FUT8: variants seen among roughly 807,000 people sequenced by gnomAD.
FUT8 encodes the protein alpha-(1,6)-fucosyltransferase.
Under a neutral mutation model 71.3 loss-of-function variants are expected in FUT8, and 29 were observed. The ratio of observed to expected loss-of-function variants is 0.41; its 90% confidence interval spans 0.30 to 0.55. The LOEUF is 0.55. Ranked by LOEUF, FUT8 falls within the 20% of genes least tolerant of loss-of-function variation. The pLI is 0.34. For missense variants in FUT8, 544 were observed against 702.1 expected, an observed-to-expected ratio of 0.77 and a Z score of 2.55; for synonymous variants, 254 against 239.3, an observed-to-expected ratio of 1.06 and a Z score of -0.57.
Position 65,561,446 on chromosome 14 carries a change from G to T in FUT8, c.-118G>T. 1.2e-6 allele frequency: 1 copy of T among 867,506 alleles called. No individual in the cohort carries two copies. The highest frequency in any genetic ancestry group is 1.9e-6 in the Non-Finnish European group (1 of 538,106). The allele number at this position is 867,506 out of a possible 1,614,324, so 53.7% of individuals were successfully genotyped here. A position where few individuals can be genotyped will look rare whatever the true frequency, so the allele number is the denominator to read the frequency against. On this transcript the variant is annotated 5_prime_UTR_variant, in exon 3 of 11. Coordinates refer to ENST00000673929, the MANE Select transcript of FUT8 (RefSeq NM_001371533.1). ...TACCAGAGAGAATAATTTGTCTGAA[G>T]CATCATGTGTTGAAACAACAGAAGT... is the stretch of plus-strand genomic sequence containing the variant.
chr14:65,624,361 G>A (rs150797077), intron 5 of FUT8, among the ~76,000 whole-genome samples: 2 of 151,610 alleles, frequency 1.3e-5, no homozygotes, highest in Admixed American at 6.6e-5. Context: ...ACAGATGAAT[G>A]TGAATAATTA....
chr14:65,506,649 C>T (rs528519616), intron 2 of FUT8, among the ~76,000 whole-genome samples: 10 of 152,014 alleles, frequency 6.6e-5, no homozygotes, highest in South Asian at 6.2e-4. Context: ...TTTTAATTTT[C>T]GCGGGTACAT....
At chr14:65,493,275 G>T (rs1470603061) in intron 2 of FUT8, among the ~76,000 whole-genome samples, 1 of 152,092 alleles carries the variant, frequency 6.6e-6, no homozygotes, top group East Asian at 1.9e-4. Flanking sequence ...GCTTTTTATA[G>T]TGAGGAATCT....
In FUT8 at chr14:65,414,009, A is replaced by G. The variant is rs1169594431; in HGVS notation, c.-326+795A>G. On this transcript the variant is annotated intron_variant, in intron 1 of 10. Coordinates refer to ENST00000673929, the MANE Select transcript of FUT8 (RefSeq NM_001371533.1). ...AGCTTTTATTTTAGCATTTTGCCAT[A>G]TAATATATAGATTGAGGCCTTGGTT... Among the ~76,000 whole-genome samples, 10 of 152,284 alleles carry G rather than the reference A, an allele frequency of 6.6e-5. No homozygotes were observed. In the East Asian group the frequency reaches 1.7e-3, roughly 26 times the overall value.
At chr14:65,567,727 C>A (rs1886269710) in intron 3 of FUT8, among the ~76,000 whole-genome samples, 2 of 151,858 alleles carry the variant, frequency 1.3e-5, no homozygotes, top group African/African-American at 4.8e-5. Flanking sequence ...TCCCTGAGAA[C>A]ATTACAGTGG....
intron 3 of FUT8, among the ~76,000 whole-genome samples, chr14:65,565,767 G>A (rs1886161478): frequency 6.6e-6 from 1 of 151,402 alleles, no homozygotes; most frequent in Non-Finnish European, 1.5e-5. Context: ...AATGATATTG[G>A]CCATTTTTTT....
At position 65,743,476 on chromosome 14, in the gene FUT8, G is replaced by A. The variant is rs534611890; in HGVS notation, c.*1066G>A. The A allele has an allele frequency of 1.8e-4, 28 of 151,888 alleles. No individual in the cohort carries two copies. Among genetic ancestry groups the A allele is most frequent in the African/African-American group, 6.5e-4 (27 of 41,434 alleles). The allele number at this position is 151,888 out of a possible 1,614,324, so 9.4% of individuals were successfully genotyped here. On this transcript the variant is annotated 3_prime_UTR_variant, in exon 11 of 11. Coordinates refer to ENST00000673929, the MANE Select transcript of FUT8 (RefSeq NM_001371533.1). The stretch of plus-strand genomic sequence containing the variant: ...ACCTCCATTTCTAAAACCATTTCAG[G>A]TTTGTTTGGTAGTCTTTCTTAATGT...
chr14:65,389,188 A>T, the FUT8 span, among the ~76,000 whole-genome samples: 19,870 of 149,806 alleles, frequency 0.13, 1,937 homozygotes, highest in East Asian at 0.54. Flanking sequence ...TATATAAAAA[A>T]ATTATTTTTT....
At chr14:65,582,897 C>T (rs1250760134) in intron 3 of FUT8, among the ~76,000 whole-genome samples, 2 of 152,128 alleles carry the variant, frequency 1.3e-5, no homozygotes, top group Non-Finnish European at 2.9e-5. Flanking sequence ...CAGGAGATAA[C>T]GGTCATCTTA....
intron 2 of FUT8, among the ~76,000 whole-genome samples, chr14:65,503,344 C>T (rs1412647899): frequency 1.3e-5 from 2 of 152,140 alleles, no homozygotes; most frequent in African/African-American, 4.8e-5. Context: ...GCCATTGTTA[C>T]TCTTATTTAT....
At chr14:65,564,124 G>T (rs1484934483) in intron 3 of FUT8, among the ~76,000 whole-genome samples, 2 of 152,066 alleles carry the variant, frequency 1.3e-5, no homozygotes, top group Non-Finnish European at 2.9e-5. Context: ...GGCATGAAAG[G>T]AAGAGCAATG....
At chr14:65,553,784 T>C (rs1014484183) in intron 2 of FUT8, among the ~76,000 whole-genome samples, 2 of 151,860 alleles carry the variant, frequency 1.3e-5, no homozygotes, top group African/African-American at 4.8e-5. Context: ...ACATGTAGTG[T>C]GTTCTCATTT....
At chr14:65,671,505 G>A (rs1011985334) in intron 7 of FUT8, among the ~76,000 whole-genome samples, 2 of 152,140 alleles carry the variant, frequency 1.3e-5, no homozygotes, top group African/African-American at 4.8e-5. Context: ...ATAAATGCCA[G>A]AACTCTGGTT....
the FUT8 span, among the ~76,000 whole-genome samples, chr14:65,387,171 C>A: frequency 6.6e-6 from 1 of 152,040 alleles, no homozygotes; most frequent in Non-Finnish European, 1.5e-5. Flanking sequence ...ATTTAAATAT[C>A]CTTTAAGTAT....
At chr14:65,655,343 G>A (rs899482838) in intron 6 of FUT8, among the ~76,000 whole-genome samples, 1 of 151,728 alleles carries the variant, frequency 6.6e-6, no homozygotes, top group African/African-American at 2.4e-5. Flanking sequence ...TGGCATGGTG[G>A]TGGGCACCTG....
intron 7 of FUT8, 102 bp from the exon 8 acceptor site, chr14:65,721,673 A>G: frequency 8.9e-7 from 1 of 1,122,576 alleles, no homozygotes; most frequent in Non-Finnish European, 1.3e-6. Context: ...ATACTTCTTT[A>G]GAGTTGCTGT....
At chr14:65,561,238 G>A (rs769116592) in intron 2 of FUT8, 99 bp from the exon 3 acceptor site, 3 of 234,420 alleles carry the variant, frequency 1.3e-5, no homozygotes, top group Non-Finnish European at 2.5e-5. Context: ...CTTCCAACTT[G>A]TTGGCCAGTC....
At chr14:65,729,946 C>T (rs1480608445) in intron 9 of FUT8, among the ~76,000 whole-genome samples, 2 of 151,680 alleles carry the variant, frequency 1.3e-5, no homozygotes, top group South Asian at 2.1e-4. Flanking sequence ...CGACTTGAGT[C>T]GTTTCTCGGG....
intron 1 of FUT8, among the ~76,000 whole-genome samples, chr14:65,414,677 G>C (rs1047431587): frequency 6.6e-6 from 1 of 152,170 alleles, no homozygotes; most frequent in Admixed American, 6.5e-5. Flanking sequence ...AGATGAATAG[G>C]CTATAAGACA....
Sources: allele counts gnomAD v4.1 joint callset (sites outside exome capture counted in the v4.1 genomes callset), GRCh38; gene constraint gnomAD v4.1.1; transcripts MANE v1.5; gene names NCBI Gene and HGNC (gene_info 2026-07-23, HGNC 2026-07-21).